ERBB4: variants seen among roughly 807,000 people sequenced by gnomAD.
ERBB4 encodes the protein erb-b2 receptor tyrosine kinase 4.
A neutral mutation model predicts 158.0 loss-of-function variants in ERBB4; 42 were observed. The ratio of observed to expected loss-of-function variants is 0.27; its 90% confidence interval spans 0.21 to 0.34. The LOEUF is 0.34. Ranked by LOEUF, ERBB4 falls within the 10% of genes least tolerant of loss-of-function variation. ERBB4 has a pLI of 1.00. For missense variants in ERBB4, 1,333 were observed against 1,624.1 expected, an observed-to-expected ratio of 0.82 and a Z score of 3.08; for synonymous variants, 583 against 558.7, an observed-to-expected ratio of 1.04 and a Z score of -0.61.
chr2:212,104,912 T>C (rs1033595280), intron 2 of ERBB4, among the ~76,000 whole-genome samples: 2 of 152,178 alleles, frequency 1.3e-5, no homozygotes, highest in African/African-American at 4.8e-5. Flanking sequence ...CTTGTGGGTG[T>C]TGGCATTCTT....
intron 3 of ERBB4, among the ~76,000 whole-genome samples, chr2:211,856,927 A>T (rs1479813647): frequency 6.6e-6 from 1 of 152,162 alleles, no homozygotes; most frequent in Non-Finnish European, 1.5e-5. Context: ...ACAGATTTAG[A>T]TCTTTAGTAA....
At chr2:212,504,598 C>T (rs781253670) in intron 1 of ERBB4, among the ~76,000 whole-genome samples, 2 of 152,034 alleles carry the variant, frequency 1.3e-5, no homozygotes, top group Middle Eastern at 3.4e-3. Context: ...ACAATGTCAA[C>T]GTATATTAAA....
At chr2:212,084,728 A>G (rs2078550895) in intron 2 of ERBB4, among the ~76,000 whole-genome samples, 1 of 151,978 alleles carries the variant, frequency 6.6e-6, no homozygotes, top group Non-Finnish European at 1.5e-5. Flanking sequence ...AATAAATCTA[A>G]CCTAGTTCAC....
intron 1 of ERBB4, among the ~76,000 whole-genome samples, chr2:212,424,795 A>T (rs1222683060): frequency 2.0e-5 from 3 of 152,106 alleles, no homozygotes; most frequent in Non-Finnish European, 2.9e-5. Flanking sequence ...CCAAAAATAT[A>T]CAAATCCACA....
chr2:212,139,521 A>C (rs1037378543), intron 1 of ERBB4, among the ~76,000 whole-genome samples: 2 of 152,008 alleles, frequency 1.3e-5, no homozygotes, highest in Admixed American at 1.3e-4. Flanking sequence ...CATCAGGTTC[A>C]ATTTTTTAAA....
At chr2:212,176,031 A>C (rs1055219980) in intron 1 of ERBB4, among the ~76,000 whole-genome samples, 3 of 152,024 alleles carry the variant, frequency 2.0e-5, no homozygotes, top group African/African-American at 7.2e-5. Context: ...TTAACAGAAC[A>C]CTTCATTTCC....
At chr2:211,929,674 A>C (rs1172433350) in intron 3 of ERBB4, among the ~76,000 whole-genome samples, 5 of 152,288 alleles carry the variant, frequency 3.3e-5, no homozygotes, top group Non-Finnish European at 5.9e-5. Context: ...TTGGGAGCCA[A>C]ATATCGTTTC....
At chr2:212,407,073 G>A (rs535417274) in intron 1 of ERBB4, among the ~76,000 whole-genome samples, 1 of 151,730 alleles carries the variant, frequency 6.6e-6, no homozygotes, top group African/African-American at 2.4e-5. Context: ...CCTATGTTAG[G>A]TATCTCTTCC....
intron 1 of ERBB4, among the ~76,000 whole-genome samples, chr2:212,133,630 T>A (rs1188064153): frequency 8.0e-5 from 12 of 149,420 alleles, no homozygotes; most frequent in East Asian, 2.0e-4. Context: ...GACTTCAGAG[T>A]CACTGAGAAC....
intron 2 of ERBB4, among the ~76,000 whole-genome samples, chr2:211,952,318 A>T (rs1311320300): frequency 6.6e-6 from 1 of 152,108 alleles, no homozygotes; most frequent in Non-Finnish European, 1.5e-5. Flanking sequence ...AAACAAGTTA[A>T]TAATGGTAGG....
intron 1 of ERBB4, among the ~76,000 whole-genome samples, chr2:212,278,986 C>T (rs961413165): frequency 3.3e-5 from 5 of 151,438 alleles, no homozygotes; most frequent in African/African-American, 1.2e-4. Context: ...ATATATGTTG[C>T]AGATTATAAA....
At chr2:211,814,912 T>C (rs1356561230) in intron 3 of ERBB4, among the ~76,000 whole-genome samples, 2 of 152,198 alleles carry the variant, frequency 1.3e-5, no homozygotes, top group African/African-American at 4.8e-5. Context: ...GCCACATTTA[T>C]ACACATGAAT....
At chr2:211,943,542 C>T (rs2080565832) in intron 3 of ERBB4, among the ~76,000 whole-genome samples, 5 of 152,006 alleles carry the variant, frequency 3.3e-5, no homozygotes, top group Admixed American at 3.3e-4. Context: ...GAAGTATAAC[C>T]TCTCCACTGG....
intron 1 of ERBB4, among the ~76,000 whole-genome samples, chr2:212,267,723 G>A (rs542234184): frequency 5.8e-4 from 87 of 150,800 alleles, no homozygotes; most frequent in African/African-American, 1.8e-3. Context: ...AACGTTAGGT[G>A]TATCTCCTAA....
chr2:211,719,927 G>C (rs1317518978), intron 7 of ERBB4, among the ~76,000 whole-genome samples: 1 of 151,270 alleles, frequency 6.6e-6, no homozygotes. Context: ...TCTAAGGATA[G>C]TCTGTTTACA....
At chr2:212,284,548 T>C (rs1009214685) in intron 1 of ERBB4, among the ~76,000 whole-genome samples, 2 of 152,118 alleles carry the variant, frequency 1.3e-5, no homozygotes, top group Non-Finnish European at 2.9e-5. Context: ...TGATAAAAGA[T>C]TTCTGGGGCA....
intron 2 of ERBB4, among the ~76,000 whole-genome samples, chr2:211,975,294 A>G (rs1007366502): frequency 3.3e-5 from 5 of 152,220 alleles, no homozygotes; most frequent in African/African-American, 9.6e-5. Context: ...CCACGCTTAA[A>G]TAACTGGCAT....
At chr2:211,958,243 T>C (rs2081084556) in intron 2 of ERBB4, among the ~76,000 whole-genome samples, 1 of 152,264 alleles carries the variant, frequency 6.6e-6, no homozygotes, top group Non-Finnish European at 1.5e-5. Flanking sequence ...TTACTTATGA[T>C]GCTCTTAATA....
intron 1 of ERBB4, among the ~76,000 whole-genome samples, chr2:212,496,224 T>A (rs571405852): frequency 6.6e-6 from 1 of 150,562 alleles, no homozygotes; most frequent in African/African-American, 2.4e-5. Context: ...AAAACCAGAA[T>A]AAAGAATCAG....
Sources: gnomAD v4.1 joint callset for allele counts (sites outside exome capture counted in the v4.1 genomes callset) on GRCh38, gnomAD v4.1.1 for gene constraint, MANE v1.5 for transcripts, NCBI Gene and HGNC (gene_info 2026-07-23, HGNC 2026-07-21) for gene names.